The following MSI2 variants were observed in gnomAD, a reference collection of about 807,000 sequenced individuals.
MSI2 encodes musashi RNA binding protein 2.
MSI2 carries 17 observed loss-of-function variants against 45.6 expected under a neutral mutation model. That is an observed-to-expected ratio of 0.37 (90% CI 0.26 to 0.56). The LOEUF (loss-of-function observed/expected upper bound fraction) is 0.56, where lower values mean the gene tolerates loss of function less well. MSI2 is among the 20% of genes least tolerant of loss of function. The probability of loss-of-function intolerance (pLI) is 0.77; values close to 1 mark genes in which losing one functional copy is unlikely to be tolerated. For synonymous variants in MSI2, 156 were observed against 158.2 expected (o/e 0.99, Z 0.11); for missense variants, 293 against 444.2 (o/e 0.66, Z 3.06).
Position 57,550,952 on chromosome 17 carries a change from T to A in MSI2, c.454+21228T>A, listed in dbSNP as rs137966370. Among the ~76,000 whole-genome samples, 24 of 152,312 alleles carry A rather than the reference T, an allele frequency of 1.6e-4. No individual in the cohort carries two copies. In the East Asian group the frequency reaches 4.4e-3, roughly 28 times the overall value. ...TTCAGGAGCCATTTTTCTATTAAAC[T>A]CAAGAGCAGAAATTGATGGGGGGAT... On this transcript the variant is annotated intron_variant, in intron 7 of 13. Coordinates refer to ENST00000284073, the MANE Select transcript of MSI2 (RefSeq NM_138962.4).
intron 7 of MSI2, among the ~76,000 whole-genome samples, chr17:57,572,632 C>T (rs780599449): frequency 2.6e-5 from 4 of 152,186 alleles, no homozygotes; most frequent in Non-Finnish European, 4.4e-5. Flanking sequence ...TTGATTGAAT[C>T]GAAGGAGGCT....
intron 9 of MSI2, chr17:57,616,399 C>G (rs991552907): frequency 1.0e-5 from 2 of 195,618 alleles, no homozygotes; most frequent in African/African-American, 2.3e-5. Context: ...GGAAAAGTCC[C>G]CCTCTATCTG....
At chr17:57,283,821 G>A (rs548218128) in intron 5 of MSI2, among the ~76,000 whole-genome samples, 24 of 152,312 alleles carry the variant, frequency 1.6e-4, no homozygotes, top group African/African-American at 5.3e-4. Context: ...GGGGCCTGCC[G>A]GGTCCAGGGG....
intron 5 of MSI2, among the ~76,000 whole-genome samples, chr17:57,313,980 G>A (rs1422465216): frequency 6.6e-6 from 1 of 152,120 alleles, no homozygotes; most frequent in Non-Finnish European, 1.5e-5. Context: ...CGGACTAGGC[G>A]GCTTCTACAA....
chr17:57,512,288 A>T (rs935185551), intron 6 of MSI2, among the ~76,000 whole-genome samples: 12 of 152,134 alleles, frequency 7.9e-5, no homozygotes, highest in African/African-American at 2.9e-4. Context: ...CAAATGAATG[A>T]ATGGATTCTA....
intron 6 of MSI2, among the ~76,000 whole-genome samples, chr17:57,454,320 G>T (rs1473989650): frequency 6.6e-6 from 1 of 152,094 alleles, no homozygotes; most frequent in African/African-American, 2.4e-5. Flanking sequence ...TCCATATACT[G>T]TTCTGAAGGG....
At chr17:57,455,708 G>A (rs945102233) in intron 6 of MSI2, among the ~76,000 whole-genome samples, 1 of 152,094 alleles carries the variant, frequency 6.6e-6, no homozygotes, top group Non-Finnish European at 1.5e-5. Context: ...GGGGAGAGCC[G>A]GGGAACTGTA....
chr17:57,565,730 T>C (rs1314468062), intron 7 of MSI2, among the ~76,000 whole-genome samples: 1 of 152,158 alleles, frequency 6.6e-6, no homozygotes, highest in Non-Finnish European at 1.5e-5. Flanking sequence ...AATGCATTCA[T>C]TGGAGCAGCT....
chr17:57,605,225 C>G (rs1375524184), intron 8 of MSI2, among the ~76,000 whole-genome samples: 1 of 152,196 alleles, frequency 6.6e-6, no homozygotes, highest in Non-Finnish European at 1.5e-5. Context: ...CACACGCAAG[C>G]GCGTGCACAT....
At chr17:57,304,305 C>T (rs1598095666) in intron 5 of MSI2, among the ~76,000 whole-genome samples, 1 of 138,790 alleles carries the variant, frequency 7.2e-6, no homozygotes, top group Admixed American at 7.4e-5. Context: ...TGCGGTGAGC[C>T]GAGATTGCAC....
At chr17:57,388,170 A>G (rs940164575) in intron 5 of MSI2, among the ~76,000 whole-genome samples, 6 of 152,178 alleles carry the variant, frequency 3.9e-5, no homozygotes, top group Non-Finnish European at 8.8e-5. Flanking sequence ...TGAGACATTC[A>G]ATAAAAGGCA....
intron 6 of MSI2, among the ~76,000 whole-genome samples, chr17:57,454,308 C>T (rs2143571755): frequency 6.6e-6 from 1 of 152,296 alleles, no homozygotes; most frequent in Admixed American, 6.5e-5. Context: ...TGAACGTGTG[C>T]TTCCATATAC....
chr17:57,318,943 A>T lies in MSI2; in HGVS notation c.312+56751A>T, dbSNP rs140042966. On this transcript the variant is annotated intron_variant, in intron 5 of 13. Coordinates refer to ENST00000284073, the MANE Select transcript of MSI2 (RefSeq NM_138962.4). Reference sequence around the variant, plus strand: ...GCTAGGGAAACATCCTTCTCCACTCAACTTAATATTGGTGCCTGTGGCTCC... The same window carrying T: ...GCTAGGGAAACATCCTTCTCCACTCTACTTAATATTGGTGCCTGTGGCTCC... Among the ~76,000 whole-genome samples the T allele has an allele frequency of 1.8e-3, 275 of 152,288 alleles. 1 individual carries two copies. The highest frequency in any genetic ancestry group is 6.2e-3 in the African/African-American group (259 of 41,576).
At chr17:57,488,279 T>C (rs1183654057) in intron 6 of MSI2, among the ~76,000 whole-genome samples, 1 of 152,162 alleles carries the variant, frequency 6.6e-6, no homozygotes, top group African/African-American at 2.4e-5. Flanking sequence ...ATCCTAAACA[T>C]CCGCCTCCTT....
chr17:57,494,625 A>C (rs555002769), intron 6 of MSI2, among the ~76,000 whole-genome samples: 1 of 152,330 alleles, frequency 6.6e-6, no homozygotes, highest in African/African-American at 2.4e-5. Flanking sequence ...GCACCATTCC[A>C]GTTGCTTTTG....
intron 7 of MSI2, among the ~76,000 whole-genome samples, chr17:57,560,343 G>T (rs2087543881): frequency 6.6e-6 from 1 of 152,124 alleles, no homozygotes; most frequent in South Asian, 2.1e-4. Flanking sequence ...CTGGGATGGG[G>T]GACTTGCAGT....
intron 6 of MSI2, among the ~76,000 whole-genome samples, chr17:57,517,143 C>A (rs940708439): frequency 6.6e-6 from 1 of 152,186 alleles, no homozygotes; most frequent in Non-Finnish European, 1.5e-5. Flanking sequence ...GTAGTTCAGA[C>A]CTTCCCTCAT....
At chr17:57,573,119 G>A (rs1279050756) in intron 7 of MSI2, among the ~76,000 whole-genome samples, 5 of 152,194 alleles carry the variant, frequency 3.3e-5, no homozygotes, top group African/African-American at 7.2e-5. Flanking sequence ...TGGGCGGTAC[G>A]GTGTTCATGG....
intron 5 of MSI2, among the ~76,000 whole-genome samples, chr17:57,393,300 C>A (rs1443100746): frequency 6.6e-6 from 1 of 152,234 alleles, no homozygotes; most frequent in Middle Eastern, 3.4e-3. Flanking sequence ...ATGCAAATAT[C>A]CCAAAATCCA....
Sources: gnomAD v4.1 joint callset for allele counts (sites outside exome capture counted in the v4.1 genomes callset) on GRCh38, gnomAD v4.1.1 for gene constraint, MANE v1.5 for transcripts, NCBI Gene and HGNC (gene_info 2026-07-23, HGNC 2026-07-21) for gene names.